Variants in AGAP1 observed in about 807,000 individuals in gnomAD.
The protein encoded by AGAP1 is ArfGAP with GTPase domain, ankyrin repeat and PH domain 1, also known as arf-GAP with GTPase, ANK repeat and PH domain-containing protein 1.
AGAP1 carries 29 observed loss-of-function variants against 105.3 expected under a neutral mutation model. The observed-to-expected ratio is 0.28, with a 90% CI of 0.21 to 0.38. AGAP1 has a LOEUF of 0.38. AGAP1 is among the 10% of genes least tolerant of loss of function. The pLI, the probability that AGAP1 is intolerant of heterozygous loss-of-function variation, is 1.00. For synonymous variants in AGAP1, 509 were observed against 485.9 expected, an observed-to-expected ratio of 1.05 and a Z score of -0.63; for missense variants, 998 against 1,165.1, an observed-to-expected ratio of 0.86 and a Z score of 2.09.
chr2:235,895,726 GATGGATGGATGGATGGATGGATGA>G (rs773543219), intron 10 of AGAP1, among the ~76,000 whole-genome samples: 2,524 of 147,798 alleles, frequency 0.017, 58 homozygotes, highest in African/African-American at 0.06. Flanking sequence ...TGGATGGATG[GATGGATGGATGGATGGATGGATGA>G]ATGGAGGCAC....
rs1461031609 is a variant in AGAP1, at chr2:236,062,957, G to T, written c.2114+13676G>T. On this transcript the variant is annotated intron_variant, in intron 16 of 17. Transcript: ENST00000304032. This position sits in a 1 kb window ranked among gnomAD's most constrained non-coding sequence, Gnocchi z 4.2. ...TTACAAGTATGAGCCACCGTGCCTG[G>T]CCATCAGCTATTTTTTTAAGAGATG... Among the ~76,000 whole-genome samples the T allele has an allele frequency of 6.6e-6, 1 of 152,106 alleles. No homozygotes were observed. Among genetic ancestry groups the T allele is most frequent in the Non-Finnish European group, 1.5e-5 (1 of 68,036 alleles).
intron 9 of AGAP1, among the ~76,000 whole-genome samples, chr2:235,813,041 G>A (rs1302420191): frequency 6.6e-6 from 1 of 152,182 alleles, no homozygotes; most frequent in Non-Finnish European, 1.5e-5. Context: ...TAATAGCCAG[G>A]CAGGTGTATC....
At chr2:235,780,432 G>A (rs1227611437) in intron 6 of AGAP1, among the ~76,000 whole-genome samples, 1 of 152,146 alleles carries the variant, frequency 6.6e-6, no homozygotes, top group East Asian at 1.9e-4. Flanking sequence ...TTCTGTCAGT[G>A]TGATTCTTGG....
At chr2:235,763,638 GGAGAC>G (rs1954652749) in intron 6 of AGAP1, among the ~76,000 whole-genome samples, 1 of 152,204 alleles carries the variant, frequency 6.6e-6, no homozygotes, top group East Asian at 1.9e-4. Context: ...TGGCCTTCCA[GGAGAC>G]CTGTCCTAAT....
Position 235,965,283 on chromosome 2 carries a change from G to T in AGAP1, c.1484-3179G>T, listed in dbSNP as rs2054345062. Among the ~76,000 whole-genome samples, 1 of 152,196 alleles carries T rather than the reference G, an allele frequency of 6.6e-6. No homozygotes were observed. The highest frequency in any genetic ancestry group is 1.9e-4 in the East Asian group (1 of 5,186). The stretch of plus-strand genomic sequence containing the variant: ...AGCCAAGCCTGGAACTGGTGTTGGT[G>T]TCATGCACATGGAGAATGCCCCTGT... On this transcript the variant is annotated intron_variant, in intron 12 of 17. Transcript: ENST00000304032. This position sits in a 1 kb window ranked among gnomAD's most constrained non-coding sequence, Gnocchi z 5.8.
At chr2:235,684,995 G>T (rs1949301272) in intron 1 of AGAP1, among the ~76,000 whole-genome samples, 2 of 152,124 alleles carry the variant, frequency 1.3e-5, no homozygotes, top group Non-Finnish European at 2.9e-5. Context: ...AGGTGTGGCT[G>T]GTTGGTTCCC....
At chr2:235,699,797 C>T (rs1164494165) in intron 1 of AGAP1, among the ~76,000 whole-genome samples, 1 of 152,198 alleles carries the variant, frequency 6.6e-6, no homozygotes, top group African/African-American at 2.4e-5. Context: ...CTCTACCAAG[C>T]TGTCCAGGTT....
chr2:235,517,842 C>T lies in AGAP1; in HGVS notation c.163+22993C>T, dbSNP rs1321669124. On this transcript the variant is annotated intron_variant, in intron 1 of 17. Transcript: ENST00000304032. This position sits in a 1 kb window ranked among gnomAD's most constrained non-coding sequence, Gnocchi z 4.1. ...ACCCCAGCTACACGGGAGGCTGAGG[C>T]AGGAGAATCTCTTGAACCCGGGAAG... Among the ~76,000 whole-genome samples, 2 of 148,170 alleles carry T rather than the reference C, an allele frequency of 1.3e-5. No individual in the cohort carries two copies. The highest frequency in any genetic ancestry group is 5.0e-5 in the African/African-American group (2 of 39,936).
In AGAP1 at chr2:235,887,541, T is replaced by A. The variant is rs2050327825; in HGVS notation, c.1155+4092T>A. On this transcript the variant is annotated intron_variant, in intron 10 of 17. Coordinates refer to ENST00000304032, the MANE Select transcript of AGAP1 (RefSeq NM_001037131.3). The surrounding 1 kb of genome is among the most constrained non-coding windows in gnomAD (Gnocchi z 4.1). ...TGTTATCTGGTTTCTGAGAACACTA[T>A]TCTCATCCACCTTTTCTCTCAAAGG... Among the ~76,000 whole-genome samples, 1 of 152,206 alleles carries A rather than the reference T, an allele frequency of 6.6e-6. No individual in the cohort carries two copies. Among genetic ancestry groups the A allele is most frequent in the Admixed American group, 6.5e-5 (1 of 15,282 alleles).
intron 13 of AGAP1, among the ~76,000 whole-genome samples, chr2:235,985,776 T>C (rs1156801098): frequency 6.6e-6 from 1 of 152,146 alleles, no homozygotes; most frequent in Non-Finnish European, 1.5e-5. Flanking sequence ...GATCAGTTGG[T>C]TATATATGTG....
chr2:235,717,681 G>A (rs373679073), intron 3 of AGAP1, 37 bp downstream of exon 3: 3 of 1,557,650 alleles, frequency 1.9e-6, no homozygotes, highest in Non-Finnish European at 2.6e-6. Context: ...ACTTAAGAAT[G>A]TAGTTTTTTA....
Position 235,596,363 on chromosome 2 carries a change from G to A in AGAP1, c.163+101514G>A, listed in dbSNP as rs926208519. 6.6e-6 allele frequency among the ~76,000 whole-genome samples: 1 copy of A among 152,234 alleles called. No individual in the cohort carries two copies. The highest frequency in any genetic ancestry group is 2.4e-5 in the African/African-American group (1 of 41,466). On this transcript the variant is annotated intron_variant, in intron 1 of 17. Transcript: ENST00000304032. This position sits in a 1 kb window ranked among gnomAD's most constrained non-coding sequence, Gnocchi z 5.9. ...CAGACTGGAGCCCCAAGGACCTTGAGGACAGGAGTCTACCTGGGGAGGGGC... is the reference window on the plus strand; with the variant it reads ...CAGACTGGAGCCCCAAGGACCTTGAAGACAGGAGTCTACCTGGGGAGGGGC...
intron 1 of AGAP1, among the ~76,000 whole-genome samples, chr2:235,656,006 A>G (rs1449470799): frequency 2.6e-5 from 4 of 152,174 alleles, no homozygotes; most frequent in African/African-American, 9.6e-5. Flanking sequence ...AGGAAAGACA[A>G]AGAAATGCAG....
At chr2:235,512,031 A>ATG (rs71064849) in intron 1 of AGAP1, among the ~76,000 whole-genome samples, 131,563 of 149,450 alleles carry the variant, frequency 0.88, 58,057 homozygotes, top group East Asian at 0.98. Flanking sequence ...TGAGGTGTGA[A>ATG]TGTGTGTGAA....
intron 1 of AGAP1, among the ~76,000 whole-genome samples, chr2:235,591,062 C>T (rs1187479134): frequency 6.6e-6 from 1 of 152,046 alleles, no homozygotes; most frequent in Non-Finnish European, 1.5e-5. Flanking sequence ...GTTGCCCAGG[C>T]TGGAGTGCAG....
chr2:235,662,789 C>T lies in AGAP1; in HGVS notation c.164-46390C>T, dbSNP rs1948004298. Among the ~76,000 whole-genome samples, 1 of 152,208 alleles carries T rather than the reference C, an allele frequency of 6.6e-6. No individual in the cohort carries two copies. Among genetic ancestry groups the T allele is most frequent in the South Asian group, 2.1e-4 (1 of 4,832 alleles). On this transcript the variant is annotated intron_variant, in intron 1 of 17. Transcript: ENST00000304032. This position sits in a 1 kb window ranked among gnomAD's most constrained non-coding sequence, Gnocchi z 4.2. ...CACACCCAGCCTGTGTCCCTCATCC[C>T]CTTGCTCCGCTGCAAGAACCCCTCA...
chr2:235,972,778 C>T (rs1363605787), intron 13 of AGAP1, among the ~76,000 whole-genome samples: 1 of 152,136 alleles, frequency 6.6e-6, no homozygotes, highest in African/African-American at 2.4e-5. Context: ...ACAGCACCTC[C>T]TACAAGCCCC....
chr2:235,759,407 G>C (rs1225733822), intron 6 of AGAP1, among the ~76,000 whole-genome samples: 5 of 151,850 alleles, frequency 3.3e-5, no homozygotes, highest in African/African-American at 1.2e-4. Flanking sequence ...CTGACCTCGT[G>C]ATCCGCCCGC....
At chr2:235,972,450 C>T (rs2054688237) in intron 13 of AGAP1, among the ~76,000 whole-genome samples, 1 of 152,182 alleles carries the variant, frequency 6.6e-6, no homozygotes. Flanking sequence ...AGGAGTCTTC[C>T]TGGGCCTGTC....
Sources: gnomAD v4.1 joint callset for allele counts (sites outside exome capture counted in the v4.1 genomes callset) on GRCh38, gnomAD v4.1.1 for gene constraint, Gnocchi (gnomAD v3.1) non-coding constraint, MANE v1.5 for transcripts, NCBI Gene and HGNC (gene_info 2026-07-23, HGNC 2026-07-21) for gene names.